PCDH15: variants seen among roughly 807,000 people sequenced by gnomAD.
PCDH15 encodes the protein protocadherin-15.
A neutral mutation model predicts 178.5 loss-of-function variants in PCDH15; 129 were observed. That is an observed-to-expected ratio of 0.72 (90% CI 0.63 to 0.84). The LOEUF is 0.84. Among genes scored for constraint, PCDH15 ranks in the 40% least tolerant of loss-of-function variants. The probability of loss-of-function intolerance (pLI) is 0.00; values close to 1 mark genes in which losing one functional copy is unlikely to be tolerated. For missense variants in PCDH15, 2,230 were observed against 2,099.9 expected (o/e 1.06, Z -1.21); for synonymous variants, 800 against 732.0 (o/e 1.09, Z -1.50).
intron 18 of PCDH15, among the ~76,000 whole-genome samples, chr10:54,053,289 A>G (rs569173533): frequency 2.0e-5 from 3 of 152,308 alleles, no homozygotes; most frequent in African/African-American, 7.2e-5. Context: ...TTTTACATTT[A>G]GGAATCTTCA....
At chr10:54,713,891 A>T (rs1353910610) in intron 1 of PCDH15, among the ~76,000 whole-genome samples, 2 of 152,126 alleles carry the variant, frequency 1.3e-5, no homozygotes, top group East Asian at 3.9e-4. Context: ...TAAACATTGA[A>T]GTAATATTTT....
intron 28 of PCDH15, among the ~76,000 whole-genome samples, chr10:53,841,854 C>A (rs953875809): frequency 6.7e-6 from 1 of 148,220 alleles, no homozygotes. Context: ...TCCAGCTAGT[C>A]GGGAGATGAA....
At chr10:54,574,171 A>C in intron 2 of PCDH15, among the ~76,000 whole-genome samples, 1 of 151,304 alleles carries the variant, frequency 6.6e-6, no homozygotes, top group East Asian at 1.9e-4. Context: ...CTAACGTTTA[A>C]GTCTTTAATC....
intron 2 of PCDH15, among the ~76,000 whole-genome samples, chr10:55,529,691 A>T (rs1841398936): frequency 1.4e-5 from 2 of 145,266 alleles, no homozygotes; most frequent in East Asian, 4.1e-4. Context: ...TTTAGGGATT[A>T]TAAATAAATA....
intron 2 of PCDH15, among the ~76,000 whole-genome samples, chr10:55,420,796 A>G (rs1838602042): frequency 1.3e-5 from 2 of 151,774 alleles, no homozygotes; most frequent in Admixed American, 6.6e-5. Context: ...ATGATCAACT[A>G]CAAATCAGTA....
chr10:54,666,977 C>A (rs1200956628), intron 1 of PCDH15, among the ~76,000 whole-genome samples: 2 of 151,904 alleles, frequency 1.3e-5, no homozygotes, highest in Non-Finnish European at 2.9e-5. Flanking sequence ...CATTATTATG[C>A]CTCCAGAAAC....
At position 54,663,733 on chromosome 10, in the gene PCDH15, A is replaced by G. The variant is rs1241825045; in HGVS notation, c.91+439T>C. On this transcript the variant is annotated intron_variant, in intron 2 of 37. Transcript: ENST00000644397. Reference sequence around the variant, plus strand: ...TGGGGGATAAAATAACGCAATGCCCAGTTAAAGTGCCAACACCAAAACAAC... The same window carrying G: ...TGGGGGATAAAATAACGCAATGCCCGGTTAAAGTGCCAACACCAAAACAAC... Among the ~76,000 whole-genome samples the G allele has an allele frequency of 3.3e-5, 5 of 149,986 alleles. No individual in the cohort carries two copies. In the South Asian group the frequency reaches 8.4e-4, roughly 25 times the overall value.
At chr10:54,659,977 A>C (rs113943292) in intron 2 of PCDH15, among the ~76,000 whole-genome samples, 5,294 of 152,184 alleles carry the variant, frequency 0.035, 299 homozygotes, top group African/African-American at 0.12. Flanking sequence ...CCTACATAAA[A>C]AGATAAAAAT....
At chr10:55,406,262 G>T (rs930519225) in intron 2 of PCDH15, among the ~76,000 whole-genome samples, 1 of 151,778 alleles carries the variant, frequency 6.6e-6, no homozygotes, top group Non-Finnish European at 1.5e-5. Flanking sequence ...ACTTATTTTT[G>T]AAGAGACAAC....
intron 2 of PCDH15, among the ~76,000 whole-genome samples, chr10:55,419,024 A>G (rs1838554501): frequency 6.6e-6 from 1 of 151,776 alleles, no homozygotes; most frequent in African/African-American, 2.4e-5. Context: ...ACAAAATAGC[A>G]ATTTTTTAAA....
At chr10:54,958,899 G>A (rs1328798140) in intron 2 of PCDH15, among the ~76,000 whole-genome samples, 1 of 151,866 alleles carries the variant, frequency 6.6e-6, no homozygotes, top group Non-Finnish European at 1.5e-5. Flanking sequence ...AACTGACTCA[G>A]AATAGTTCAT....
intron 2 of PCDH15, among the ~76,000 whole-genome samples, chr10:55,590,285 G>A (rs1370046368): frequency 6.9e-6 from 1 of 144,816 alleles, no homozygotes; most frequent in Non-Finnish European, 1.5e-5. Context: ...GACACAGGAA[G>A]GGGAACATCA....
At chr10:54,555,239 A>C (rs1266874076) in intron 2 of PCDH15, among the ~76,000 whole-genome samples, 1 of 152,144 alleles carries the variant, frequency 6.6e-6, no homozygotes, top group Non-Finnish European at 1.5e-5. Flanking sequence ...TAGAGTCAAT[A>C]AAGTATTTAG....
intron 2 of PCDH15, among the ~76,000 whole-genome samples, chr10:55,049,036 G>A (rs890083407): frequency 1.3e-5 from 2 of 151,912 alleles, no homozygotes; most frequent in Non-Finnish European, 2.9e-5. Context: ...AGAGACCATT[G>A]CTGCACTCAT....
In PCDH15 at chr10:54,079,394, C is replaced by T; in HGVS notation, c.2028G>A (p.Leu676=). ...TTGILTLGKA[L]DRESTDRYIL... ...TGTAGCGATCAGTGCTTTCCCTGTC[C>T]AGTGCTTTCCCTAAGGTTAGAATCC... Residue 676 remains leucine (L), a synonymous_variant, in exon 17 of 38, where the codon CTG becomes CTA. Transcript: ENST00000644397. 1 of 1,614,062 alleles carries T rather than the reference C, an allele frequency of 6.2e-7. No homozygotes were observed. The highest frequency in any genetic ancestry group is 8.5e-7 in the Non-Finnish European group (1 of 1,179,960).
At chr10:54,406,020 G>C (rs1244583497) in intron 3 of PCDH15, among the ~76,000 whole-genome samples, 6 of 151,932 alleles carry the variant, frequency 3.9e-5, no homozygotes, top group Non-Finnish European at 7.4e-5. Context: ...ATCTACATTG[G>C]TTAGAGATGG....
chr10:53,968,548 G>T (rs1451975069), intron 21 of PCDH15, among the ~76,000 whole-genome samples: 2 of 152,140 alleles, frequency 1.3e-5, no homozygotes, highest in African/African-American at 4.8e-5. Context: ...CGGACAGACT[G>T]CCTCCTCAAG....
Position 55,001,038 on chromosome 10 carries a change from GA to G in PCDH15, c.-79-103539del, listed in dbSNP as rs1371393716. On this transcript the variant is annotated intron_variant, in intron 2 of 5. Coordinates refer to the PCDH15 transcript ENST00000458638. ...CACTCTTTGAGACGACCTGCCTGAG[GA>G]AAGGAGCTACCCACTATGCAACTTC... Among the ~76,000 whole-genome samples, 7 of 152,248 alleles carry G rather than the reference GA, an allele frequency of 4.6e-5. 1 individual carries two copies. Among genetic ancestry groups the G allele is most frequent in the African/African-American group, 1.7e-4 (7 of 41,556 alleles).
chr10:54,801,125 A>G lies in PCDH15; in HGVS notation c.-229T>C, dbSNP rs1952623154. On this transcript the variant is annotated 5_prime_UTR_variant, in exon 1 of 38. Coordinates refer to ENST00000644397, the MANE Select transcript of PCDH15 (RefSeq NM_001384140.1). ...TCATCAAGAAAATGTTACTAGGAAA[A>G]TTTTTAGAAAAGCAAAACAGTTCAA... The G allele has an allele frequency of 6.6e-6, 1 of 152,104 alleles. No individual in the cohort carries two copies. Among genetic ancestry groups the G allele is most frequent in the South Asian group, 2.1e-4 (1 of 4,822 alleles). The allele number at this position is 152,104 out of a possible 1,614,324, so 9.4% of individuals were successfully genotyped here.
Sources: allele counts gnomAD v4.1 joint callset (sites outside exome capture counted in the v4.1 genomes callset), GRCh38; gene constraint gnomAD v4.1.1; transcripts MANE v1.5; gene names NCBI Gene and HGNC (gene_info 2026-07-23, HGNC 2026-07-21).